The following PTPRD variants were observed in gnomAD, a reference collection of about 807,000 sequenced individuals.
The protein encoded by PTPRD is protein tyrosine phosphatase receptor type D.
A neutral mutation model predicts 214.5 loss-of-function variants in PTPRD; 34 were observed. That is an observed-to-expected ratio of 0.16 (90% confidence interval 0.12 to 0.21). The LOEUF (loss-of-function observed/expected upper bound fraction) is 0.21, where lower values mean the gene tolerates loss of function less well. Ranked by LOEUF, PTPRD falls within the 10% of genes least tolerant of loss-of-function variation. The pLI is 1.00. For synonymous variants in PTPRD, 1,128 were observed against 845.7 expected (o/e 1.33, Z -5.79); for missense variants, 2,545 against 2,398.7 (o/e 1.06, Z -1.27).
chr9:10,001,018 G>C (rs191638988), intron 4 of PTPRD, among the ~76,000 whole-genome samples: 1 of 152,284 alleles, frequency 6.6e-6, no homozygotes, highest in East Asian at 1.9e-4. Flanking sequence ...TTTCGCAGCA[G>C]CACACAGGGT....
At chr9:9,349,636 G>A (rs912599745) in intron 9 of PTPRD, among the ~76,000 whole-genome samples, 1 of 150,222 alleles carries the variant, frequency 6.7e-6, no homozygotes, top group African/African-American at 2.5e-5. Context: ...TTGTTTTATG[G>A]CTTTATTCAA....
chr9:9,869,661 TA>T (rs1447696929), intron 5 of PTPRD, among the ~76,000 whole-genome samples: 4 of 151,966 alleles, frequency 2.6e-5, no homozygotes, highest in African/African-American at 9.7e-5. Flanking sequence ...TGATCAAACA[TA>T]AAACCTGGGT....
chr9:8,822,941 A>G (rs76328564), intron 11 of PTPRD, among the ~76,000 whole-genome samples: 8,360 of 152,162 alleles, frequency 0.055, 474 homozygotes, highest in African/African-American at 0.13. Context: ...CACAGCCCAC[A>G]CTGGAATCTT....
At chr9:9,163,596 T>C (rs987562020) in intron 10 of PTPRD, among the ~76,000 whole-genome samples, 1 of 152,136 alleles carries the variant, frequency 6.6e-6, no homozygotes, top group African/African-American at 2.4e-5. Context: ...ATCTCTCTCC[T>C]GTAATCTATT....
intron 11 of PTPRD, among the ~76,000 whole-genome samples, chr9:8,788,782 G>T (rs2096101902): frequency 6.6e-6 from 1 of 152,070 alleles, no homozygotes; most frequent in South Asian, 2.1e-4. Context: ...CACTTCCGAA[G>T]AACAGAATTC....
intron 3 of PTPRD, among the ~76,000 whole-genome samples, chr9:10,096,742 A>C (rs2098491179): frequency 6.6e-6 from 1 of 151,892 alleles, no homozygotes; most frequent in African/African-American, 2.4e-5. Flanking sequence ...TCTTTAGTTT[A>C]ATTAGATCCC....
intron 35 of PTPRD, among the ~76,000 whole-genome samples, chr9:8,435,727 ACACG>A (rs973012310): frequency 4.0e-5 from 6 of 151,778 alleles, no homozygotes; most frequent in South Asian, 2.1e-4. Flanking sequence ...ACACACACAC[ACACG>A]CACGCACGTG....
intron 3 of PTPRD, among the ~76,000 whole-genome samples, chr9:10,257,719 G>A (rs2093388650): frequency 6.6e-6 from 1 of 152,036 alleles, no homozygotes; most frequent in South Asian, 2.1e-4. Flanking sequence ...CACCTCAACT[G>A]GTCTATGCAT....
chr9:8,772,136 AAACAAC>A (rs149909048), intron 11 of PTPRD, among the ~76,000 whole-genome samples: 11 of 151,792 alleles, frequency 7.2e-5, no homozygotes, highest in Middle Eastern at 3.4e-3. Context: ...CTTCCTGAAA[AAACAAC>A]AACAACAACA....
intron 39 of PTPRD, among the ~76,000 whole-genome samples, chr9:8,352,557 A>C (rs546878360): frequency 2.0e-5 from 3 of 152,264 alleles, no homozygotes; most frequent in African/African-American, 7.2e-5. Flanking sequence ...GCTCAACCCA[A>C]AGGAAGTTAC....
chr9:10,105,468 G>C (rs1016337644), intron 3 of PTPRD, among the ~76,000 whole-genome samples: 2 of 151,818 alleles, frequency 1.3e-5, no homozygotes, highest in African/African-American at 4.8e-5. Flanking sequence ...TAGAAGGTAA[G>C]AAAGCATGAT....
At chr9:10,264,871 T>A (rs553098988) in intron 3 of PTPRD, among the ~76,000 whole-genome samples, 1 of 152,112 alleles carries the variant, frequency 6.6e-6, no homozygotes, top group Non-Finnish European at 1.5e-5. Flanking sequence ...GGGGAGATAA[T>A]TGAATCATGG....
At chr9:9,562,299 T>TAC (rs2083172482) in intron 8 of PTPRD, among the ~76,000 whole-genome samples, 1 of 152,200 alleles carries the variant, frequency 6.6e-6, no homozygotes, top group Non-Finnish European at 1.5e-5. Context: ...CTAGAAAATT[T>TAC]ATCTAAATTC....
intron 3 of PTPRD, among the ~76,000 whole-genome samples, chr9:10,124,847 A>G (rs572937807): frequency 6.6e-6 from 1 of 152,324 alleles, no homozygotes; most frequent in East Asian, 1.9e-4. Flanking sequence ...GTGTGATTTT[A>G]TAACATAAAC....
chr9:9,698,872 C>T (rs529319734), intron 7 of PTPRD, among the ~76,000 whole-genome samples: 1 of 152,272 alleles, frequency 6.6e-6, no homozygotes, highest in South Asian at 2.1e-4. Flanking sequence ...AGCCTAACTC[C>T]TAGCATGGAG....
intron 3 of PTPRD, among the ~76,000 whole-genome samples, chr9:10,124,511 G>A (rs1163573194): frequency 6.6e-6 from 1 of 152,052 alleles, no homozygotes; most frequent in East Asian, 1.9e-4. Flanking sequence ...AAATAGCCAA[G>A]GATTTTGAAT....
intron 7 of PTPRD, among the ~76,000 whole-genome samples, chr9:9,612,826 G>A (rs2094588603): frequency 1.3e-5 from 2 of 152,016 alleles, no homozygotes; most frequent in African/African-American, 4.8e-5. Flanking sequence ...TATTGCTAGT[G>A]TGTGATTACA....
chr9:9,711,609 T>C (rs551980052), intron 7 of PTPRD, among the ~76,000 whole-genome samples: 1 of 152,288 alleles, frequency 6.6e-6, no homozygotes, highest in Non-Finnish European at 1.5e-5. Flanking sequence ...TTTATTCCAG[T>C]GGTTCTCAAC....
At chr9:10,025,561 A>G (rs1000230395) in intron 4 of PTPRD, among the ~76,000 whole-genome samples, 1 of 152,052 alleles carries the variant, frequency 6.6e-6, no homozygotes, top group Admixed American at 6.6e-5. Flanking sequence ...TTTCTTTCAG[A>G]CTCTCTTGGT....
Sources: allele counts gnomAD v4.1 joint callset (sites outside exome capture counted in the v4.1 genomes callset), GRCh38; gene constraint gnomAD v4.1.1; transcripts MANE v1.5; gene names NCBI Gene and HGNC (gene_info 2026-07-23, HGNC 2026-07-21).